Variants in SAMSN1 observed in about 807,000 individuals in gnomAD.
The protein encoded by SAMSN1 is SAM domain-containing protein SAMSN-1.
A neutral mutation model predicts 42.0 loss-of-function variants in SAMSN1; 31 were observed. The ratio of observed to expected loss-of-function variants is 0.74; its 90% CI spans 0.55 to 1.00. The LOEUF is 1.00. SAMSN1 is among the 50% of genes least tolerant of loss of function. SAMSN1 has a pLI of 0.00. For synonymous variants in SAMSN1, 178 were observed against 151.9 expected, an observed-to-expected ratio of 1.17 and a Z score of -1.26; for missense variants, 464 against 439.4, an observed-to-expected ratio of 1.06 and a Z score of -0.50.
At chr21:14,619,747 C>T (rs1982950846) in intron 2 of SAMSN1, 1 of 220,818 alleles carries the variant, frequency 4.5e-6, no homozygotes, top group African/African-American at 2.3e-5. Flanking sequence ...TGGCATAAAC[C>T]TTCAGAAATG....
At chr21:14,583,558 T>A, upstream of SAMSN1, 2 of 648,946 alleles carry the variant, frequency 3.1e-6, no homozygotes, top group Non-Finnish European at 5.6e-6. Flanking sequence ...TTAATGATTA[T>A]CTTAAGACTT....
In SAMSN1 at chr21:14,542,653, A is replaced by C. The variant is rs368356979; in HGVS notation, c.57+3552T>G. On this transcript the variant is annotated intron_variant, in intron 1 of 7. Transcript: ENST00000400566. Reference sequence around the variant, plus strand: ...GGACACTAGTAGTAAGAGGTAAAACAGCCAGTTGTGGTTGCTCATGCCTGT... The same window carrying C: ...GGACACTAGTAGTAAGAGGTAAAACCGCCAGTTGTGGTTGCTCATGCCTGT... Among the ~76,000 whole-genome samples, 32 of 152,304 alleles carry C rather than the reference A, an allele frequency of 2.1e-4. 1 individual carries two copies. The highest frequency in any genetic ancestry group is 1.7e-3 in the South Asian group (8 of 4,830).
chr21:14,564,184 T>C (rs1014965484), intron 2 of SAMSN1, among the ~76,000 whole-genome samples: 2 of 152,174 alleles, frequency 1.3e-5, no homozygotes, highest in African/African-American at 4.8e-5. Flanking sequence ...AAGAGGACCT[T>C]AGATGCCTAC....
chr21:14,623,014 C>G (rs1006744514), intron 2 of SAMSN1, among the ~76,000 whole-genome samples: 2 of 152,150 alleles, frequency 1.3e-5, no homozygotes, highest in African/African-American at 4.8e-5. Context: ...CATATCCAGT[C>G]AAACCAAGCT....
At chr21:14,628,319 T>C (rs899398213) in intron 2 of SAMSN1, among the ~76,000 whole-genome samples, 1 of 152,156 alleles carries the variant, frequency 6.6e-6, no homozygotes, top group Non-Finnish European at 1.5e-5. Flanking sequence ...TTTGAGATGA[T>C]GGACGTGCTA....
At chr21:14,503,186 C>G (rs1987247619) in intron 5 of SAMSN1, among the ~76,000 whole-genome samples, 1 of 151,938 alleles carries the variant, frequency 6.6e-6, no homozygotes, top group Admixed American at 6.6e-5. Flanking sequence ...TTTGAGTTAA[C>G]TGAAAGGGAG....
At chr21:14,539,526 T>C (rs529691094) in intron 1 of SAMSN1, among the ~76,000 whole-genome samples, 2 of 152,014 alleles carry the variant, frequency 1.3e-5, no homozygotes, top group African/African-American at 4.8e-5. Context: ...CAAATCATGA[T>C]TGAACTCCCA....
At chr21:14,622,336 G>T (rs896186957) in intron 2 of SAMSN1, among the ~76,000 whole-genome samples, 6 of 152,236 alleles carry the variant, frequency 3.9e-5, no homozygotes, top group African/African-American at 1.4e-4. Context: ...GCTAAAGGAA[G>T]AAGTTTGAAC....
chr21:14,509,527 A>G (rs1262246513), intron 5 of SAMSN1, among the ~76,000 whole-genome samples: 1 of 152,184 alleles, frequency 6.6e-6, no homozygotes, highest in Non-Finnish European at 1.5e-5. Flanking sequence ...CCTGTTCCCC[A>G]ATAACCTATG....
chr21:14,504,029 G>A lies in SAMSN1; in HGVS notation c.562-3294C>T, dbSNP rs563936907. Among the ~76,000 whole-genome samples, 4 of 152,232 alleles carry A rather than the reference G, an allele frequency of 2.6e-5. No homozygotes were observed. In the South Asian group the frequency reaches 6.2e-4, roughly 24 times the overall value. The stretch of plus-strand genomic sequence containing the variant: ...AACAATCATTACAGATTGCTCTCAG[G>A]AAGCCTCATCCATAGGAAGAGGGGG... On this transcript the variant is annotated intron_variant, in intron 5 of 7. Coordinates refer to ENST00000400566, the MANE Select transcript of SAMSN1 (RefSeq NM_022136.5).
chr21:14,511,389 C>T (rs1300293868), intron 4 of SAMSN1, among the ~76,000 whole-genome samples: 2 of 152,196 alleles, frequency 1.3e-5, no homozygotes, highest in Non-Finnish European at 2.9e-5. Context: ...ATAAAATTCT[C>T]CCCACATCCA....
intron 4 of SAMSN1, 152 bp downstream of exon 4, chr21:14,512,292 T>C: frequency 2.5e-6 from 2 of 785,258 alleles, no homozygotes; most frequent in Non-Finnish European, 4.1e-6. Context: ...ATTTAAACAA[T>C]AGCAACTCTA....
At chr21:14,614,551 C>A (rs777569176) in intron 3 of SAMSN1, among the ~76,000 whole-genome samples, 5 of 152,142 alleles carry the variant, frequency 3.3e-5, no homozygotes, top group Non-Finnish European at 5.9e-5. Context: ...TAGTCATGTG[C>A]TCGCTTCGGC....
intron 3 of SAMSN1, among the ~76,000 whole-genome samples, chr21:14,613,647 G>T (rs1982765428): frequency 6.6e-6 from 1 of 151,960 alleles, no homozygotes; most frequent in East Asian, 1.9e-4. Context: ...AATGCAAAAT[G>T]GTTAGGACAT....
chr21:14,514,221 C>T (rs905517161), intron 3 of SAMSN1, among the ~76,000 whole-genome samples: 1 of 152,198 alleles, frequency 6.6e-6, no homozygotes, highest in Admixed American at 6.5e-5. Context: ...TCTTCCTTTT[C>T]CTCATCCTTT....
intron 2 of SAMSN1, among the ~76,000 whole-genome samples, chr21:14,573,777 A>T (rs1981377704): frequency 1.3e-5 from 2 of 152,168 alleles, no homozygotes; most frequent in South Asian, 4.1e-4. Context: ...AAAGATGAGG[A>T]GGTAGAAGCC....
chr21:14,600,637 A>G (rs962320563), intron 6 of SAMSN1, among the ~76,000 whole-genome samples: 1 of 152,130 alleles, frequency 6.6e-6, no homozygotes, highest in Non-Finnish European at 1.5e-5. Context: ...TCTTCTTTCC[A>G]CGAAACGGGT....
chr21:14,490,508 G>C (rs1986637543), intron 7 of SAMSN1, among the ~76,000 whole-genome samples: 1 of 152,138 alleles, frequency 6.6e-6, no homozygotes, highest in African/African-American at 2.4e-5. Flanking sequence ...TTGTCCAGAG[G>C]CAGCGTTATC....
At chr21:14,525,773 TG>T (rs1286737711) in intron 1 of SAMSN1, among the ~76,000 whole-genome samples, 2 of 152,206 alleles carry the variant, frequency 1.3e-5, no homozygotes, top group Non-Finnish European at 2.9e-5. Context: ...ATATTTAAAA[TG>T]TTCCATAATA....
Sources: gnomAD v4.1 joint callset for allele counts (sites outside exome capture counted in the v4.1 genomes callset) on GRCh38, gnomAD v4.1.1 for gene constraint, MANE v1.5 for transcripts, NCBI Gene and HGNC (gene_info 2026-07-23, HGNC 2026-07-21) for gene names.